PLEK2: variants seen among roughly 807,000 people sequenced by gnomAD.
PLEK2 encodes pleckstrin 2, also known as pleckstrin-2.
PLEK2 carries 29 observed loss-of-function variants against 43.8 expected under a neutral mutation model. The observed-to-expected ratio is 0.66, with a 90% CI of 0.49 to 0.90. The LOEUF (loss-of-function observed/expected upper bound fraction) is 0.90, where lower values mean the gene tolerates loss of function less well. Among genes scored for constraint, PLEK2 ranks in the 40% least tolerant of loss-of-function variants. PLEK2 has a pLI of 0.00. For synonymous variants in PLEK2, 162 were observed against 173.2 expected, an observed-to-expected ratio of 0.94 and a Z score of 0.51; for missense variants, 398 against 448.1, an observed-to-expected ratio of 0.89 and a Z score of 1.01.
chr14:67,405,953 A>C (rs1053722936), intron 1 of PLEK2, among the ~76,000 whole-genome samples: 1 of 152,118 alleles, frequency 6.6e-6, no homozygotes, highest in Non-Finnish European at 1.5e-5. Flanking sequence ...TGAGATGACA[A>C]ATCTTGTTGT....
chr14:67,412,022 T>G lies in PLEK2; in HGVS notation c.38A>C (p.Lys13Thr). The G allele has an allele frequency of 6.4e-7, 1 of 1,556,376 alleles. No homozygotes were observed. Among genetic ancestry groups the G allele is most frequent in the East Asian group, 2.6e-5 (1 of 38,802 alleles). ...DGVLKEGFLV[K>T]RGHIVHNWKA... Reference sequence around the variant, plus strand: ...CGAAGCTCGACGCGCACTCACCCTCTTGACCAGGAAGCCCTCCTTGAGCAC... The same window carrying G: ...CGAAGCTCGACGCGCACTCACCCTCGTGACCAGGAAGCCCTCCTTGAGCAC... The change falls in exon 1 of 9, where the codon AAG becomes ACG. Residue 13 changes from lysine (K) to threonine (T), a missense_variant. Physicochemically the swap from Lys to Thr is moderately conservative, Grantham distance 78 (BLOSUM62 -1). Coordinates refer to ENST00000216446, the MANE Select transcript of PLEK2 (RefSeq NM_016445.3).
intron 3 of PLEK2, 44 bp from the exon 4 acceptor site, chr14:67,393,285 G>A (rs374787211): frequency 3.0e-5 from 41 of 1,389,356 alleles, no homozygotes; most frequent in Admixed American, 6.7e-5. Context: ...CTCATCACGC[G>A]GGCAGGTATA....
chr14:67,395,587 T>A lies in PLEK2; in HGVS notation c.208-4A>T. On this transcript the variant is annotated splice_polypyrimidine_tract_variant and splice_region_variant and intron_variant, in intron 2 of 8. Transcript: ENST00000216446. ...GAGTCTTCAGCTTAATGAGGAGCTG[T>A]GGGAAGAGAGAGCCAGTCAGGCCAG... The A allele has an allele frequency of 6.2e-7, 1 of 1,613,704 alleles. No homozygotes were observed. The highest frequency in any genetic ancestry group is 1.3e-5 in the African/African-American group (1 of 74,960).
rs866646824 is a variant in PLEK2 at position 67,411,952 on chromosome 14, C to A, written c.42+66G>T. On this transcript the variant is annotated intron_variant, in intron 1 of 8. Coordinates refer to ENST00000216446, the MANE Select transcript of PLEK2 (RefSeq NM_016445.3). ...CCGTTCCGGGGCGCGCGTCTGGCCC[C>A]GCTCTAGGGAGCCGCGTCGGCGGGG... is the stretch of plus-strand genomic sequence containing the variant. 20 of 1,416,724 alleles carry A rather than the reference C, an allele frequency of 1.4e-5. No homozygotes were observed. The Middle Eastern group carries it at 1.8e-3, about 125-fold the overall frequency. The allele number at this position is 1,416,724 out of a possible 1,614,324, so 87.8% of individuals were successfully genotyped here.
chr14:67,388,442 A>G (rs976931290), intron 7 of PLEK2, 140 bp from the exon 8 acceptor site: 11 of 665,478 alleles, frequency 1.7e-5, no homozygotes, highest in African/African-American at 5.3e-5. Flanking sequence ...TGGACATCAC[A>G]TGGCCAAAGC....
rs746910848 is a variant in PLEK2, at chr14:67,395,499, C to G, written c.292G>C (p.Glu98Gln). 6.2e-7 allele frequency: 1 copy of G among 1,614,100 alleles called. No homozygotes were observed. The highest frequency in any genetic ancestry group is 1.1e-5 in the South Asian group (1 of 91,080). ...SREERDAWAFEITGAIHAGQP... is the reference protein window; with the variant it reads ...SREERDAWAFQITGAIHAGQP... Reference sequence around the variant, plus strand: ...CCTGCATGAATAGCCCCGGTGATCTCAAAGGCCCAGGCATCCCGCTCCTCT... The same window carrying G: ...CCTGCATGAATAGCCCCGGTGATCTGAAAGGCCCAGGCATCCCGCTCCTCT... Residue 98 changes from glutamate (E) to glutamine (Q), a missense_variant, in exon 3 of 9, where the codon GAG (glutamate) becomes CAG (glutamine). By Grantham distance (29) the Glu-to-Gln change is conservative. Transcript: ENST00000216446.
intron 1 of PLEK2, among the ~76,000 whole-genome samples, chr14:67,401,623 A>G (rs777467589): frequency 6.6e-6 from 1 of 152,188 alleles, no homozygotes; most frequent in Non-Finnish European, 1.5e-5. Context: ...CAAGCCAAGG[A>G]GAGAGAGGTC....
chr14:67,411,315 A>C (rs575730062), intron 1 of PLEK2, among the ~76,000 whole-genome samples: 1 of 152,244 alleles, frequency 6.6e-6, no homozygotes, highest in South Asian at 2.1e-4. Context: ...GGGAGGTCAG[A>C]ACATGCAGTT....
intron 6 of PLEK2, among the ~76,000 whole-genome samples, chr14:67,391,798 C>G (rs2085970328): frequency 6.6e-6 from 1 of 152,204 alleles, no homozygotes; most frequent in South Asian, 2.1e-4. Context: ...CTCTCCCAAA[C>G]ACGGTTTAGG....
chr14:67,399,717 G>C (rs139492308), intron 1 of PLEK2, among the ~76,000 whole-genome samples: 15 of 124,832 alleles, frequency 1.2e-4, no homozygotes, highest in African/African-American at 5.5e-4. Context: ...AGAGAAGGGT[G>C]GTTTAGGTGG....
At chr14:67,408,330 AAAATAAAATAAAATAAAATAAAAT>A (rs2086094082) in intron 1 of PLEK2, among the ~76,000 whole-genome samples, 2 of 145,462 alleles carry the variant, frequency 1.4e-5, no homozygotes, top group South Asian at 2.3e-4. Context: ...AAAATAAAAT[AAAATAAAATAAAATAAAATAAAAT>A]AAAAAAAGAA....
At chr14:67,389,928 C>CT (rs1401907761) in intron 7 of PLEK2, among the ~76,000 whole-genome samples, 2 of 152,146 alleles carry the variant, frequency 1.3e-5, no homozygotes, top group Non-Finnish European at 2.9e-5. Context: ...TTGGAGGCTC[C>CT]TCCTGCCACA....
chr14:67,392,312 C>T lies in PLEK2; in HGVS notation c.771+14G>A, dbSNP rs762317692. On this transcript the variant is annotated intron_variant, in intron 6 of 8. Coordinates refer to ENST00000216446, the MANE Select transcript of PLEK2 (RefSeq NM_016445.3). ...GAACTGTCCATCTCTCTTCCCTGCT[C>T]ATAGCAGCCATACCTGCTTGGCCAG... is the stretch of plus-strand genomic sequence containing the variant. 30 of 1,509,660 alleles carry T rather than the reference C, an allele frequency of 2.0e-5. No individual in the cohort carries two copies. The South Asian group carries it at 3.3e-4, about 16-fold the overall frequency. 93.5% of individuals were successfully genotyped at this position (1,509,660 alleles called of 1,614,324 possible). A position where few individuals can be genotyped will look rare whatever the true frequency, so the allele number is the denominator to read the frequency against.
At chr14:67,391,336 T>A (rs1381028455) in intron 6 of PLEK2, among the ~76,000 whole-genome samples, 1 of 150,088 alleles carries the variant, frequency 6.7e-6, no homozygotes, top group East Asian at 2.0e-4. Context: ...CCAGGAGGGC[T>A]AAGGTTAGAT....
At chr14:67,390,870 C>A in intron 6 of PLEK2, 124 bp from the exon 7 acceptor site, 1 of 766,804 alleles carries the variant, frequency 1.3e-6, no homozygotes, top group Non-Finnish European at 2.4e-6. Context: ...CATTCTAAAA[C>A]CAGTCCACAG....
chr14:67,394,474 A>C (rs1595656563), intron 3 of PLEK2, among the ~76,000 whole-genome samples: 1 of 151,756 alleles, frequency 6.6e-6, no homozygotes, highest in South Asian at 2.1e-4. Context: ...TTAAGTCCAA[A>C]CCCCCTCAGC....
chr14:67,399,996 C>T (rs115779617), intron 1 of PLEK2, among the ~76,000 whole-genome samples: 1,591 of 152,294 alleles, frequency 0.01, 26 homozygotes, highest in African/African-American at 0.035. Flanking sequence ...TGCCCCAACT[C>T]ACTCATTTCC....
intron 7 of PLEK2, among the ~76,000 whole-genome samples, chr14:67,389,007 A>AT (rs2085947768): frequency 6.6e-6 from 1 of 151,638 alleles, no homozygotes; most frequent in Non-Finnish European, 1.5e-5. Flanking sequence ...AAGTTGATAG[A>AT]TTCCTGCACA....
At chr14:67,387,820 A>G (rs1199609808) in intron 8 of PLEK2, among the ~76,000 whole-genome samples, 1 of 152,216 alleles carries the variant, frequency 6.6e-6, no homozygotes, top group Admixed American at 6.5e-5. Flanking sequence ...CAAATTGTTT[A>G]ACTTATTGGA....
Sources: allele counts gnomAD v4.1 joint callset (sites outside exome capture counted in the v4.1 genomes callset), GRCh38; gene constraint gnomAD v4.1.1; transcripts MANE v1.5; gene names NCBI Gene and HGNC (gene_info 2026-07-23, HGNC 2026-07-21).